Variants in PLEKHG7 observed in about 807,000 individuals in gnomAD.
PLEKHG7 encodes the protein pleckstrin homology and RhoGEF domain containing G7.
PLEKHG7 carries 77 observed loss-of-function variants against 85.2 expected under a neutral mutation model. The ratio of observed to expected loss-of-function variants is 0.90; its 90% CI spans 0.75 to 1.09. The LOEUF (loss-of-function observed/expected upper bound fraction) is 1.09, where lower values mean the gene tolerates loss of function less well. Ranked by LOEUF, PLEKHG7 falls within the 50% of genes least tolerant of loss-of-function variation. The pLI, the probability that PLEKHG7 is intolerant of heterozygous loss-of-function variation, is 0.00. For synonymous variants in PLEKHG7, 301 were observed against 302.4 expected (o/e 1.00, Z 0.05); for missense variants, 777 against 804.3 (o/e 0.97, Z 0.41).
At chr12:92,752,166 G>A (rs1160119095) in intron 10 of PLEKHG7, among the ~76,000 whole-genome samples, 1 of 152,056 alleles carries the variant, frequency 6.6e-6, no homozygotes, top group Non-Finnish European at 1.5e-5. Context: ...TTTGTTTAAG[G>A]GGGAAGAGAG....
intron 9 of PLEKHG7, among the ~76,000 whole-genome samples, chr12:92,743,614 C>T (rs887644540): frequency 3.3e-5 from 5 of 152,096 alleles, no homozygotes; most frequent in East Asian, 1.9e-4. Context: ...GTCTGGAGTG[C>T]GGTGGCACGA....
chr12:92,727,762 A>T (rs1871856227), intron 3 of PLEKHG7, among the ~76,000 whole-genome samples: 1 of 150,948 alleles, frequency 6.6e-6, no homozygotes, highest in African/African-American at 2.4e-5. Context: ...CTAATTTTGT[A>T]TTTTTTTTAG....
chr12:92,736,647 G>C (rs1184203518), intron 6 of PLEKHG7, 70 bp downstream of exon 6: 1 of 983,788 alleles, frequency 1.0e-6, no homozygotes, highest in Non-Finnish European at 1.3e-6. Context: ...GGGGAAGGTC[G>C]GGTCAGTATT....
chr12:92,720,323 C>CT (rs36081838), intron 3 of PLEKHG7, among the ~76,000 whole-genome samples: 67,661 of 146,772 alleles, frequency 0.46, 16,553 homozygotes, highest in East Asian at 0.89. Flanking sequence ...CTCTTAGTGT[C>CT]TTTTTTTTTT....
chr12:92,745,742 T>C (rs1565793411), intron 10 of PLEKHG7, 151 bp downstream of exon 10: 3 of 597,814 alleles, frequency 5.0e-6, no homozygotes, highest in East Asian at 2.9e-5. Context: ...TCCTCATAAA[T>C]ACATTGTCCA....
At position 92,764,096 on chromosome 12, in the gene PLEKHG7, A is replaced by C; in HGVS notation, c.1772A>C (p.Gln591Pro). ...LMCPSLTPEL[Q>P]AVIKEGGSCT... is the part of the protein sequence containing the mutation. ...TGTCCTTCTCTTACTCCTGAGTTGC[A>C]AGCAGTAATAAAAGAGGGTGGTTCG... The change falls in exon 15 of 17, where the codon CAA becomes CCA. Residue 591 changes from glutamine (Q) to proline (P), a missense_variant. By Grantham distance (76) the Gln-to-Pro change is moderately conservative. Transcript: ENST00000344636. 1 of 1,613,164 alleles carries C rather than the reference A, an allele frequency of 6.2e-7. No individual in the cohort carries two copies. The highest frequency in any genetic ancestry group is 8.5e-7 in the Non-Finnish European group (1 of 1,179,442).
At chr12:92,722,011 C>T (rs1203372035) in intron 3 of PLEKHG7, among the ~76,000 whole-genome samples, 1 of 151,840 alleles carries the variant, frequency 6.6e-6, no homozygotes, top group African/African-American at 2.4e-5. Flanking sequence ...TGATTGCTTC[C>T]AGTGGATGGT....
At position 92,754,097 on chromosome 12, in the gene PLEKHG7, A is replaced by G. The variant is rs780655463; in HGVS notation, c.1259A>G (p.Glu420Gly). Residue 420 changes from glutamate (E) to glycine (G), a missense_variant, in exon 11 of 17, where the codon GAG becomes GGG. By Grantham distance (98) the Glu-to-Gly change is moderately conservative. Coordinates refer to ENST00000344636, the MANE Select transcript of PLEKHG7 (RefSeq NM_001377329.1). ...TGCTTTTGCCTTCCCCAGTGGTGTG[A>G]GCAGAATGAACAATGCAGACGGCTC... ...DDFGIYLKWCEQNEQCRRLHV... is the reference protein window; with the variant it reads ...DDFGIYLKWCGQNEQCRRLHV... 5 of 1,613,558 alleles carry G rather than the reference A, an allele frequency of 3.1e-6. No homozygotes were observed. Among genetic ancestry groups the G allele is most frequent in the Non-Finnish European group, 4.2e-6 (5 of 1,179,672 alleles).
chr12:92,768,204 C>T (rs1039574404), intron 15 of PLEKHG7, among the ~76,000 whole-genome samples: 5 of 149,630 alleles, frequency 3.3e-5, no homozygotes, highest in South Asian at 2.1e-4. Flanking sequence ...GAGACTTCGT[C>T]TCAAGAAAAA....
chr12:92,732,670 G>A (rs1235127985), intron 5 of PLEKHG7, among the ~76,000 whole-genome samples: 1 of 152,172 alleles, frequency 6.6e-6, no homozygotes, highest in Admixed American at 6.5e-5. Context: ...AGATCTTACA[G>A]AAACAGATTC....
chr12:92,751,789 T>G (rs973585026), intron 10 of PLEKHG7, among the ~76,000 whole-genome samples: 4 of 152,114 alleles, frequency 2.6e-5, no homozygotes, highest in Admixed American at 2.0e-4. Flanking sequence ...TTGGGAGGTG[T>G]GCAGATTGCT....
At chr12:92,754,976 G>C (rs989708539) in intron 11 of PLEKHG7, among the ~76,000 whole-genome samples, 1 of 151,936 alleles carries the variant, frequency 6.6e-6, no homozygotes, top group African/African-American at 2.4e-5. Context: ...CTGTTTAATT[G>C]GGTTTTTCTT....
chr12:92,770,406 T>C lies in PLEKHG7; in HGVS notation c.*211T>C, dbSNP rs950538696. The C allele has an allele frequency of 2.0e-6, 1 of 488,424 alleles. No individual in the cohort carries two copies. Among genetic ancestry groups the C allele is most frequent in the African/African-American group, 2.0e-5 (1 of 48,834 alleles). 30.3% of individuals were successfully genotyped at this position (488,424 alleles called of 1,614,324 possible). A position where few individuals can be genotyped will look rare whatever the true frequency, so the allele number is the denominator to read the frequency against. On this transcript the variant is annotated 3_prime_UTR_variant, in exon 17 of 17. Coordinates refer to ENST00000344636, the MANE Select transcript of PLEKHG7 (RefSeq NM_001377329.1). The stretch of plus-strand genomic sequence containing the variant: ...GAACTCTGAGGAATTTCTTGACAAA[T>C]ATATACTGACATCCAGATTACCTTC...
chr12:92,707,312 G>C, intron 2 of PLEKHG7, 174 bp downstream of exon 2: 1 of 1,429,782 alleles, frequency 7.0e-7, no homozygotes, highest in Non-Finnish European at 9.1e-7. Flanking sequence ...GTGAAAGGAG[G>C]GCAGCAATCT....
chr12:92,742,938 G>A (rs748959240), intron 9 of PLEKHG7, among the ~76,000 whole-genome samples: 1 of 152,120 alleles, frequency 6.6e-6, no homozygotes, highest in Non-Finnish European at 1.5e-5. Flanking sequence ...GGCCACTAAA[G>A]AATGGGGTAT....
At chr12:92,727,746 G>A (rs924265745) in intron 3 of PLEKHG7, among the ~76,000 whole-genome samples, 3 of 151,890 alleles carry the variant, frequency 2.0e-5, no homozygotes, top group South Asian at 4.2e-4. Context: ...GCACCACCAT[G>A]CCCAGCTAAT....
At chr12:92,723,470 T>C (rs1871702175) in intron 3 of PLEKHG7, among the ~76,000 whole-genome samples, 1 of 152,186 alleles carries the variant, frequency 6.6e-6, no homozygotes, top group South Asian at 2.1e-4. Flanking sequence ...TTTTTGTACT[T>C]AAAGAGTGTC....
In PLEKHG7 at chr12:92,706,591, T is replaced by C. The variant is rs1200094795; in HGVS notation, c.-41T>C. On this transcript the variant is annotated 5_prime_UTR_variant, in exon 2 of 17. Transcript: ENST00000344636. The stretch of plus-strand genomic sequence containing the variant: ...GATCCAGAGAACAGCAACTCATACG[T>C]CTTCTGGAACCTTCTACCAACAGTA... 2 of 1,542,530 alleles carry C rather than the reference T, an allele frequency of 1.3e-6. No individual in the cohort carries two copies. Among genetic ancestry groups the C allele is most frequent in the East Asian group, 2.3e-5 (1 of 44,202 alleles).
chr12:92,746,005 G>A (rs192406898), intron 10 of PLEKHG7, among the ~76,000 whole-genome samples: 46 of 152,320 alleles, frequency 3.0e-4, no homozygotes, highest in African/African-American at 1.1e-3. Flanking sequence ...CTACATGAAT[G>A]CTGCCCCCTT....
Sources: allele counts gnomAD v4.1 joint callset (sites outside exome capture counted in the v4.1 genomes callset), GRCh38; gene constraint gnomAD v4.1.1; transcripts MANE v1.5; gene names NCBI Gene and HGNC (gene_info 2026-07-23, HGNC 2026-07-21).